The following SLC39A12 variants were observed in gnomAD, a reference collection of about 807,000 sequenced individuals.
The protein encoded by SLC39A12 is zinc transporter ZIP12.
In SLC39A12, 63 loss-of-function variants were observed where a neutral mutation model predicts 71.1. The ratio of observed to expected loss-of-function variants is 0.89; its 90% CI spans 0.72 to 1.09. The LOEUF (loss-of-function observed/expected upper bound fraction) is 1.09. Ranked by LOEUF, SLC39A12 falls within the 50% of genes least tolerant of loss-of-function variation. SLC39A12 has a pLI of 0.00. For missense variants in SLC39A12, 892 were observed against 812.6 expected (o/e 1.10, Z -1.19); for synonymous variants, 351 against 301.3 (o/e 1.16, Z -1.71).
At chr10:17,955,809 G>A (rs1834530030) in intron 2 of SLC39A12, among the ~76,000 whole-genome samples, 1 of 152,116 alleles carries the variant, frequency 6.6e-6, no homozygotes, top group African/African-American at 2.4e-5. Flanking sequence ...GAATAGTTCT[G>A]GGCTGATCCT....
At chr10:17,995,548 G>A (rs1835661466) in intron 9 of SLC39A12, 108 bp from the exon 10 acceptor site, 1 of 907,530 alleles carries the variant, frequency 1.1e-6, no homozygotes, top group Non-Finnish European at 1.7e-6. Context: ...TACATCTAGA[G>A]TACTAAAATG....
chr10:18,016,231 C>G (rs1344009450), intron 12 of SLC39A12, among the ~76,000 whole-genome samples: 1 of 152,190 alleles, frequency 6.6e-6, no homozygotes, highest in Non-Finnish European at 1.5e-5. Flanking sequence ...TCAACCACTA[C>G]TATTTTTACT....
intron 9 of SLC39A12, among the ~76,000 whole-genome samples, chr10:17,995,304 T>C (rs1835656413): frequency 6.6e-6 from 1 of 152,174 alleles, no homozygotes; most frequent in East Asian, 1.9e-4. Flanking sequence ...ACAGGAGAAG[T>C]GCTGAGTTAG....
chr10:18,003,289 T>A lies in SLC39A12; in HGVS notation c.1878T>A (p.Asp626Glu). 1.9e-6 allele frequency: 3 copies of A among 1,614,172 alleles called. No homozygotes were observed. Among genetic ancestry groups the A allele is most frequent in the Non-Finnish European group, 2.5e-6 (3 of 1,180,024 alleles). ...GLYIGLSVSA[D>E]PCVQDWIFTV... is the part of the protein sequence containing the mutation. Reference sequence around the variant, plus strand: ...ACATTGGCCTTTCCGTGTCAGCTGATCCATGTGTTCAAGACTGGATCTTCA... The same window carrying A: ...ACATTGGCCTTTCCGTGTCAGCTGAACCATGTGTTCAAGACTGGATCTTCA... Residue 626 changes from aspartate to glutamate, a missense_variant, in exon 12 of 13, where the codon GAT becomes GAA. Physicochemically the swap from Asp to Glu is conservative, Grantham distance 45. Coordinates refer to ENST00000377369, the MANE Select transcript of SLC39A12 (RefSeq NM_001145195.2).
At chr10:18,041,838 T>G (rs1837261524) in intron 12 of SLC39A12, among the ~76,000 whole-genome samples, 1 of 147,186 alleles carries the variant, frequency 6.8e-6, no homozygotes, top group South Asian at 2.1e-4. Context: ...TACATACATA[T>G]GTATACGTAT....
chr10:18,025,650 T>TG (rs1836657217), intron 12 of SLC39A12, among the ~76,000 whole-genome samples: 1 of 152,022 alleles, frequency 6.6e-6, no homozygotes, highest in African/African-American at 2.4e-5. Flanking sequence ...ACATTTGGGT[T>TG]GGTTCCAAGT....
rs1836989997 is a variant in SLC39A12 at position 18,035,827 on chromosome 10, G to C, written c.1948-6878G>C. Among the ~76,000 whole-genome samples, 8 of 152,306 alleles carry C rather than the reference G, an allele frequency of 5.3e-5. No homozygotes were observed. The South Asian group carries it at 1.5e-3, about 28-fold the overall frequency. Reference sequence around the variant, plus strand: ...ATGGTGATGTACAGATGGGTTTTCGGTGTGGATGTCCTTTCTGTTTTTTAG... The same window carrying C: ...ATGGTGATGTACAGATGGGTTTTCGCTGTGGATGTCCTTTCTGTTTTTTAG... On this transcript the variant is annotated intron_variant, in intron 12 of 12. Coordinates refer to ENST00000377369, the MANE Select transcript of SLC39A12 (RefSeq NM_001145195.2).
At chr10:18,032,557 A>G (rs1168607630) in intron 12 of SLC39A12, among the ~76,000 whole-genome samples, 18 of 145,126 alleles carry the variant, frequency 1.2e-4, no homozygotes, top group East Asian at 6.1e-4. Context: ...GGGCTGAGAC[A>G]ATGGGGTTTT....
intron 12 of SLC39A12, among the ~76,000 whole-genome samples, chr10:18,021,779 C>A (rs927772456): frequency 5.9e-5 from 9 of 152,106 alleles, no homozygotes; most frequent in African/African-American, 2.2e-4. Context: ...TTCCATTTAG[C>A]ACTTCCTTAA....
At chr10:18,025,649 T>G (rs1272994854) in intron 12 of SLC39A12, among the ~76,000 whole-genome samples, 1 of 151,972 alleles carries the variant, frequency 6.6e-6, no homozygotes, top group Non-Finnish European at 1.5e-5. Context: ...GACATTTGGG[T>G]TGGTTCCAAG....
chr10:18,013,798 G>A (rs1363675535), intron 12 of SLC39A12, among the ~76,000 whole-genome samples: 5 of 152,104 alleles, frequency 3.3e-5, no homozygotes, highest in Non-Finnish European at 7.4e-5. Flanking sequence ...CTTTGTTTCT[G>A]GGTTCTCCAT....
chr10:18,038,145 T>C, intron 12 of SLC39A12, among the ~76,000 whole-genome samples: 1 of 151,202 alleles, frequency 6.6e-6, no homozygotes, highest in African/African-American at 2.4e-5. Context: ...GACATTGTAT[T>C]CCATGTAAAT....
At chr10:18,025,593 A>ATG (rs1836655501) in intron 12 of SLC39A12, among the ~76,000 whole-genome samples, 1 of 152,198 alleles carries the variant, frequency 6.6e-6, no homozygotes, top group African/African-American at 2.4e-5. Context: ...ATAGTATTCC[A>ATG]TGGTGTATAT....
At chr10:17,952,969 G>A (rs1554847293) in intron 1 of SLC39A12, among the ~76,000 whole-genome samples, 1 of 152,170 alleles carries the variant, frequency 6.6e-6, no homozygotes, top group African/African-American at 2.4e-5. Context: ...GCTATGTTTA[G>A]TTTAGGGAGA....
At chr10:18,027,206 A>C (rs1836702307) in intron 12 of SLC39A12, among the ~76,000 whole-genome samples, 1 of 152,236 alleles carries the variant, frequency 6.6e-6, no homozygotes, top group Non-Finnish European at 1.5e-5. Flanking sequence ...TCTTTCAGTG[A>C]GCTTGTGCCC....
At position 18,029,151 on chromosome 10, in the gene SLC39A12, G is replaced by A. The variant is rs545663654; in HGVS notation, c.1948-13554G>A. Among the ~76,000 whole-genome samples, 20 of 152,180 alleles carry A rather than the reference G, an allele frequency of 1.3e-4. No homozygotes were observed. The South Asian group carries it at 3.7e-3, about 28-fold the overall frequency. ...CTCCCAAAGTGCTGGGATTACAGGC[G>A]TGAGCCACCGTGCCCAGCCCAAAAC... On this transcript the variant is annotated intron_variant, in intron 12 of 12. Transcript: ENST00000377369.
At chr10:18,038,087 C>T (rs1837114087) in intron 12 of SLC39A12, among the ~76,000 whole-genome samples, 1 of 127,398 alleles carries the variant, frequency 7.8e-6, no homozygotes, top group African/African-American at 3.2e-5. Context: ...TCATAGGGTC[C>T]ATTATTTCGA....
chr10:18,023,520 G>A (rs879704359), intron 12 of SLC39A12, among the ~76,000 whole-genome samples: 5 of 151,894 alleles, frequency 3.3e-5, no homozygotes, highest in Non-Finnish European at 7.4e-5. Context: ...ACTTCATGAT[G>A]GAGTGACACA....
intron 12 of SLC39A12, among the ~76,000 whole-genome samples, chr10:18,036,790 A>ATTTTTTTTT (rs1464293480): frequency 1.4e-5 from 1 of 69,246 alleles, no homozygotes; most frequent in African/African-American, 6.1e-5. Flanking sequence ...ATATATATAT[A>ATTTTTTTTT]TATATTTTTT....
Sources: gnomAD v4.1 joint callset for allele counts (sites outside exome capture counted in the v4.1 genomes callset) on GRCh38, gnomAD v4.1.1 for gene constraint, MANE v1.5 for transcripts, NCBI Gene and HGNC (gene_info 2026-07-23, HGNC 2026-07-21) for gene names.